The following RERE variants were observed in gnomAD, a reference collection of about 807,000 sequenced individuals.
RERE encodes the protein arginine-glutamic acid dipeptide repeats protein.
RERE carries 40 observed loss-of-function variants against 146.1 expected under a neutral mutation model. The observed-to-expected ratio is 0.27, with a 90% CI of 0.21 to 0.36. The LOEUF is 0.36. RERE is among the 10% of genes least tolerant of loss of function. The pLI, the probability that RERE is intolerant of heterozygous loss-of-function variation, is 1.00. For missense variants in RERE, 1,933 were observed against 2,138.7 expected, an observed-to-expected ratio of 0.90 and a Z score of 1.90; for synonymous variants, 1,003 against 866.0, an observed-to-expected ratio of 1.16 and a Z score of -2.78.
At chr1:8,558,240 C>T (rs144838572) in intron 4 of RERE, among the ~76,000 whole-genome samples, 1 of 152,288 alleles carries the variant, frequency 6.6e-6, no homozygotes, top group Non-Finnish European at 1.5e-5. Flanking sequence ...TAGGACACTG[C>T]ACTATGTTAT....
intron 1 of RERE, among the ~76,000 whole-genome samples, chr1:8,812,722 C>A (rs1309662023): frequency 2.6e-5 from 4 of 152,158 alleles, no homozygotes; most frequent in Non-Finnish European, 1.5e-5. Flanking sequence ...TAACTGTACT[C>A]TCTGACCTAG....
chr1:8,393,205 G>C (rs1036292077), intron 12 of RERE, among the ~76,000 whole-genome samples: 1 of 152,202 alleles, frequency 6.6e-6, no homozygotes, highest in Non-Finnish European at 1.5e-5. Context: ...TACCTTTCCA[G>C]ATGTTTCTGT....
chr1:8,656,116 T>A lies in RERE; in HGVS notation c.182A>T (p.Asn61Ile). 6.8e-6 allele frequency: 11 copies of A among 1,614,144 alleles called. No homozygotes were observed. Among genetic ancestry groups the A allele is most frequent in the Non-Finnish European group, 9.3e-6 (11 of 1,179,998 alleles). The part of the protein sequence containing the change: ...AESDHSEDED[N>I]DNNSATAEES... ...CTCTGCGGTGGCACTATTGTTGTCA[T>A]TGTCCTCGTCTTCACTGTGATCACT... The change falls in exon 2 of 23, where the codon AAT (asparagine) becomes ATT (isoleucine). Residue 61 changes from asparagine to isoleucine, a missense_variant. By Grantham distance (149) the Asn-to-Ile change is moderately radical (BLOSUM62 -3). This residue lies in a region of RERE where 107 missense variants were observed against 119.7 expected (regional missense o/e 0.89). Coordinates refer to ENST00000400908, the MANE Select transcript of RERE (RefSeq NM_001042681.2).
At chr1:8,599,277 C>A (rs1429721574) in intron 4 of RERE, among the ~76,000 whole-genome samples, 2 of 152,192 alleles carry the variant, frequency 1.3e-5, no homozygotes, top group African/African-American at 2.4e-5. Context: ...ACAACCCCAA[C>A]CCTGTCCACG....
chr1:8,685,114 G>A (rs1639055964), intron 1 of RERE, among the ~76,000 whole-genome samples: 1 of 152,080 alleles, frequency 6.6e-6, no homozygotes, highest in African/African-American at 2.4e-5. Context: ...CTTCTAGGCT[G>A]CCCAAAGCAC....
At chr1:8,498,130 G>A (rs1398231058) in intron 8 of RERE, among the ~76,000 whole-genome samples, 1 of 152,108 alleles carries the variant, frequency 6.6e-6, no homozygotes, top group Non-Finnish European at 1.5e-5. Flanking sequence ...GGAGGCCGAG[G>A]TGGGTGGATC....
chr1:8,771,224 T>G (rs11121229), intron 1 of RERE, among the ~76,000 whole-genome samples: 2 of 151,918 alleles, frequency 1.3e-5, no homozygotes, highest in Non-Finnish European at 2.9e-5. Flanking sequence ...TTTTGGAGAT[T>G]AGAACTATTA....
chr1:8,541,132 T>TACAC (rs140827335), intron 7 of RERE, 82 bp downstream of exon 7: 5 of 693,176 alleles, frequency 7.2e-6, no homozygotes, highest in East Asian at 2.7e-5. Flanking sequence ...AAGCATAAAC[T>TACAC]ACACACACAC....
Position 8,694,248 on chromosome 1 carries a change from A to G in RERE, c.-144-37807T>C, listed in dbSNP as rs189257998. Among the ~76,000 whole-genome samples the G allele has an allele frequency of 3.8e-3, 578 of 152,268 alleles. 5 individuals are homozygous for G. Among genetic ancestry groups the G allele is most frequent in the African/African-American group, 0.011 (466 of 41,544 alleles). The stretch of plus-strand genomic sequence containing the variant: ...AAAACCCTGAAGACGCCATCAAAAG[A>G]CTCCTGGTACAATAAACAACTTCAG... On this transcript the variant is annotated intron_variant, in intron 1 of 22. Transcript: ENST00000400908.
At chr1:8,488,561 A>G (rs1251055688) in intron 10 of RERE, among the ~76,000 whole-genome samples, 2 of 152,200 alleles carry the variant, frequency 1.3e-5, no homozygotes, top group Admixed American at 1.3e-4. Flanking sequence ...TTTAAAAATT[A>G]GAAACTGGAA....
At chr1:8,744,711 C>T (rs1163137279) in intron 1 of RERE, among the ~76,000 whole-genome samples, 3 of 151,798 alleles carry the variant, frequency 2.0e-5, no homozygotes, top group Admixed American at 6.6e-5. Context: ...TAACAGAAGT[C>T]AGTAAGCTAA....
At chr1:8,581,936 T>C (rs1646371202) in intron 4 of RERE, among the ~76,000 whole-genome samples, 1 of 152,096 alleles carries the variant, frequency 6.6e-6, no homozygotes, top group South Asian at 2.1e-4. Context: ...CAATTACACT[T>C]CTTAAATATA....
At chr1:8,661,075 T>G (rs1215462522) in intron 1 of RERE, among the ~76,000 whole-genome samples, 1 of 89,124 alleles carries the variant, frequency 1.1e-5, no homozygotes, top group Non-Finnish European at 2.3e-5. Flanking sequence ...ATGGGAAATC[T>G]AAGGGGGACA....
At chr1:8,592,658 G>C (rs534449633) in intron 4 of RERE, among the ~76,000 whole-genome samples, 1 of 152,188 alleles carries the variant, frequency 6.6e-6, no homozygotes, top group East Asian at 2.0e-4. Context: ...TAAGTGAGAA[G>C]AATGCTTGTG....
rs3082096 is a variant in RERE, at chr1:8,596,672, C to CTTT, written c.522+17886_522+17888dup. 5.5e-3 allele frequency among the ~76,000 whole-genome samples: 760 copies of CTTT among 137,792 alleles called. 17 individuals carry two copies. Among genetic ancestry groups the CTTT allele is most frequent in the South Asian group, 0.015 (66 of 4,332 alleles). The allele number at this position is 137,792 out of a possible 152,430, so 90.4% of individuals were successfully genotyped here. ...TATAGCCACAAGCTACCATGTCTGG[C>CTTT]TTTTTTTTTTTTTTTTCTGGTAGAG... On this transcript the variant is annotated intron_variant, in intron 4 of 22. Coordinates refer to ENST00000400908, the MANE Select transcript of RERE (RefSeq NM_001042681.2).
intron 6 of RERE, among the ~76,000 whole-genome samples, chr1:8,554,349 G>A (rs1042675110): frequency 6.6e-6 from 1 of 152,106 alleles, no homozygotes; most frequent in South Asian, 2.1e-4. Flanking sequence ...CGTGAGACAA[G>A]ACGGAAACAG....
intron 7 of RERE, among the ~76,000 whole-genome samples, chr1:8,538,927 A>C (rs1645761893): frequency 6.6e-6 from 1 of 152,252 alleles, no homozygotes; most frequent in Non-Finnish European, 1.5e-5. Context: ...TCAGCAGCAC[A>C]CAATGAAAAA....
chr1:8,586,311 T>C (rs1189720449), intron 4 of RERE, among the ~76,000 whole-genome samples: 1 of 152,204 alleles, frequency 6.6e-6, no homozygotes, highest in South Asian at 2.1e-4. Flanking sequence ...TATATCAAGA[T>C]AGTGATGAAT....
At chr1:8,605,372 T>G (rs774139376) in intron 4 of RERE, among the ~76,000 whole-genome samples, 1 of 152,130 alleles carries the variant, frequency 6.6e-6, no homozygotes, top group Non-Finnish European at 1.5e-5. Context: ...GACCTTGTGA[T>G]CCACCTGCCT....
Sources: gnomAD v4.1 joint callset for allele counts (sites outside exome capture counted in the v4.1 genomes callset) on GRCh38, gnomAD v4.1.1 for gene constraint, gnomAD v4.1.1 regional missense constraint, MANE v1.5 for transcripts, NCBI Gene and HGNC (gene_info 2026-07-23, HGNC 2026-07-21) for gene names.